Variants in SORCS3 observed in about 807,000 individuals in gnomAD.
SORCS3 encodes sortilin related VPS10 domain containing receptor 3, also known as VPS10 domain-containing receptor SorCS3.
Under a neutral mutation model 146.3 loss-of-function variants are expected in SORCS3, and 57 were observed. That is an observed-to-expected ratio of 0.39 (90% CI 0.31 to 0.49). The LOEUF is 0.49. Ranked by LOEUF, SORCS3 falls within the 20% of genes least tolerant of loss-of-function variation. SORCS3 has a pLI of 0.92. For missense variants in SORCS3, 1,341 were observed against 1,575.5 expected, an observed-to-expected ratio of 0.85 and a Z score of 2.52; for synonymous variants, 653 against 618.5, an observed-to-expected ratio of 1.06 and a Z score of -0.83.
At chr10:104,836,158 G>A (rs1212984681) in intron 1 of SORCS3, among the ~76,000 whole-genome samples, 1 of 152,126 alleles carries the variant, frequency 6.6e-6, no homozygotes, top group East Asian at 1.9e-4. Context: ...GTGGAATAGG[G>A]ACTGAAACTT....
At chr10:104,781,156 C>T (rs1019087520) in intron 1 of SORCS3, among the ~76,000 whole-genome samples, 11 of 152,150 alleles carry the variant, frequency 7.2e-5, no homozygotes, top group Admixed American at 3.9e-4. Context: ...ATCTGCAGAA[C>T]GCTTTATAGC....
At chr10:105,042,945 T>TAC in intron 4 of SORCS3, 110 bp from the exon 5 acceptor site, 1 of 827,662 alleles carries the variant, frequency 1.2e-6, no homozygotes, top group Non-Finnish European at 2.1e-6. Context: ...AATAAATGCC[T>TAC]ACTTGGGTGT....
intron 1 of SORCS3, among the ~76,000 whole-genome samples, chr10:104,652,221 C>T (rs1303290145): frequency 2.0e-5 from 3 of 152,150 alleles, no homozygotes; most frequent in Non-Finnish European, 2.9e-5. Context: ...TTCATTCTTT[C>T]GCTCATTCAT....
At chr10:104,717,106 T>C (rs2016488365) in intron 1 of SORCS3, among the ~76,000 whole-genome samples, 1 of 152,050 alleles carries the variant, frequency 6.6e-6, no homozygotes, top group Non-Finnish European at 1.5e-5. Context: ...CCAGGCGGCA[T>C]AGCAAGGCCT....
intron 1 of SORCS3, among the ~76,000 whole-genome samples, chr10:104,710,916 A>G (rs1047809024): frequency 6.6e-6 from 1 of 152,188 alleles, no homozygotes; most frequent in African/African-American, 2.4e-5. Context: ...TTGGCCAAGC[A>G]GTGGCATTTG....
chr10:105,255,753 C>T lies in SORCS3; in HGVS notation c.3289C>T (p.Leu1097=). ...ALNQNLVQFE[L]KPGVQVIVYV... ...CAACCAAAATTTGGTCCAGTTTGAG[C>T]TGAAGCCGGGGGTACAAGTCATTGT... Residue 1097 remains leucine, a synonymous_variant, in exon 24 of 27, where the codon CTG becomes TTG. Coordinates refer to ENST00000369701, the MANE Select transcript of SORCS3 (RefSeq NM_014978.3). 6.2e-7 allele frequency: 1 copy of T among 1,613,948 alleles called. No individual in the cohort carries two copies. The highest frequency in any genetic ancestry group is 8.5e-7 in the Non-Finnish European group (1 of 1,179,956).
At chr10:104,937,455 A>G (rs1266021495) in intron 3 of SORCS3, among the ~76,000 whole-genome samples, 3 of 152,268 alleles carry the variant, frequency 2.0e-5, no homozygotes, top group Non-Finnish European at 2.9e-5. Flanking sequence ...AGTTCACTAT[A>G]AAATCTAAGT....
intron 7 of SORCS3, among the ~76,000 whole-genome samples, chr10:105,113,571 G>A (rs1311823345): frequency 6.6e-6 from 1 of 152,062 alleles, no homozygotes; most frequent in Non-Finnish European, 1.5e-5. Flanking sequence ...TGCAGTAGAA[G>A]GGTCCATAAA....
chr10:104,714,168 T>C (rs1264524990), intron 1 of SORCS3, among the ~76,000 whole-genome samples: 2 of 152,116 alleles, frequency 1.3e-5, no homozygotes, highest in African/African-American at 4.8e-5. Flanking sequence ...TCATGAGATA[T>C]TTGTCATTTT....
intron 3 of SORCS3, among the ~76,000 whole-genome samples, chr10:104,933,124 C>A (rs780967297): frequency 1.3e-5 from 2 of 152,122 alleles, no homozygotes; most frequent in Non-Finnish European, 2.9e-5. Flanking sequence ...TGCTTTGGCT[C>A]TGCAAGATAC....
At chr10:105,034,101 C>G (rs1304403243) in intron 4 of SORCS3, among the ~76,000 whole-genome samples, 1 of 152,080 alleles carries the variant, frequency 6.6e-6, no homozygotes, top group African/African-American at 2.4e-5. Flanking sequence ...TATACAAATA[C>G]ATGTTTTCAT....
At chr10:104,829,608 A>G (rs2017978279) in intron 1 of SORCS3, among the ~76,000 whole-genome samples, 1 of 152,148 alleles carries the variant, frequency 6.6e-6, no homozygotes, top group Non-Finnish European at 1.5e-5. Flanking sequence ...ATCTGGATTG[A>G]TTCTAAAGGC....
At chr10:105,160,491 G>T (rs376503737) in intron 11 of SORCS3, among the ~76,000 whole-genome samples, 1 of 152,094 alleles carries the variant, frequency 6.6e-6, no homozygotes, top group Admixed American at 6.5e-5. Context: ...ACCAGGTGTG[G>T]TGGTGCATGC....
intron 5 of SORCS3, among the ~76,000 whole-genome samples, chr10:105,064,823 G>A (rs2055511963): frequency 6.6e-6 from 1 of 151,240 alleles, no homozygotes; most frequent in Admixed American, 6.6e-5. Context: ...CATAGTGAGG[G>A]CAGATCTTCC....
intron 20 of SORCS3, among the ~76,000 whole-genome samples, chr10:105,245,285 C>A (rs1391319259): frequency 1.3e-5 from 2 of 152,062 alleles, no homozygotes; most frequent in Non-Finnish European, 2.9e-5. Context: ...GGAGAAGGAG[C>A]AGAATGACAT....
intron 1 of SORCS3, among the ~76,000 whole-genome samples, chr10:104,742,742 G>A (rs987306744): frequency 6.6e-6 from 1 of 152,226 alleles, no homozygotes; most frequent in South Asian, 2.1e-4. Flanking sequence ...CAGTCAAAGA[G>A]TAAGTGTAGC....
intron 5 of SORCS3, among the ~76,000 whole-genome samples, chr10:105,077,419 G>T (rs1351658569): frequency 1.3e-5 from 2 of 151,978 alleles, no homozygotes; most frequent in African/African-American, 2.4e-5. Flanking sequence ...GGATGAAGGG[G>T]CAATAACTAT....
intron 4 of SORCS3, among the ~76,000 whole-genome samples, chr10:104,982,079 T>C (rs2054934537): frequency 6.6e-6 from 1 of 152,128 alleles, no homozygotes; most frequent in South Asian, 2.1e-4. Context: ...GCTAAGGATT[T>C]TTGTTGATCA....
chr10:105,113,075 C>T (rs531278718), intron 7 of SORCS3, among the ~76,000 whole-genome samples: 80 of 152,278 alleles, frequency 5.3e-4, no homozygotes, highest in African/African-American at 1.7e-3. Context: ...CCTCCTCAAA[C>T]GGAGCAACTC....
Sources: allele counts gnomAD v4.1 joint callset (sites outside exome capture counted in the v4.1 genomes callset), GRCh38; gene constraint gnomAD v4.1.1; transcripts MANE v1.5; gene names NCBI Gene and HGNC (gene_info 2026-07-23, HGNC 2026-07-21).